AKAP6: variants seen among roughly 807,000 people sequenced by gnomAD.
The protein encoded by AKAP6 is A-kinase anchoring protein 6.
AKAP6 carries 58 observed loss-of-function variants against 188.5 expected under a neutral mutation model. The observed-to-expected ratio is 0.31, with a 90% CI of 0.25 to 0.38. AKAP6 has a LOEUF of 0.38. Among genes scored for constraint, AKAP6 ranks in the 10% least tolerant of loss-of-function variants. The pLI is 1.00. For missense variants in AKAP6, 2,710 were observed against 2,740.0 expected, an observed-to-expected ratio of 0.99 and a Z score of 0.24; for synonymous variants, 989 against 998.6, an observed-to-expected ratio of 0.99 and a Z score of 0.18.
At chr14:32,661,692 G>A (rs936414904) in intron 7 of AKAP6, among the ~76,000 whole-genome samples, 4 of 152,106 alleles carry the variant, frequency 2.6e-5, no homozygotes, top group Admixed American at 1.3e-4. Context: ...CAGGACTACT[G>A]GTTAGAGGCA....
chr14:32,778,982 A>G (rs938090896), intron 12 of AKAP6, among the ~76,000 whole-genome samples: 5 of 152,142 alleles, frequency 3.3e-5, no homozygotes, highest in Admixed American at 6.5e-5. Flanking sequence ...AAGATGGAAG[A>G]CTTAAAACAA....
chr14:32,767,856 C>T (rs1183652240), intron 11 of AKAP6, among the ~76,000 whole-genome samples: 1 of 152,146 alleles, frequency 6.6e-6, no homozygotes, highest in African/African-American at 2.4e-5. Context: ...GGGTCATGGC[C>T]TCACTATTCT....
At chr14:32,581,523 A>G (rs1884965419) in intron 5 of AKAP6, among the ~76,000 whole-genome samples, 1 of 152,032 alleles carries the variant, frequency 6.6e-6, no homozygotes, top group Non-Finnish European at 1.5e-5. Flanking sequence ...CTTGGTGCAG[A>G]GCTGAGTTCA....
intron 4 of AKAP6, among the ~76,000 whole-genome samples, chr14:32,564,066 C>G (rs1884083494): frequency 6.6e-6 from 1 of 152,054 alleles, no homozygotes; most frequent in Admixed American, 6.6e-5. Context: ...TTGCATATAA[C>G]CTACACACCT....
chr14:32,733,607 G>A (rs1216276780), intron 10 of AKAP6: 2 of 152,122 alleles, frequency 1.3e-5, no homozygotes, highest in Non-Finnish European at 2.9e-5. Flanking sequence ...TAATCTAGGA[G>A]ATTAAAAAAC....
intron 7 of AKAP6, among the ~76,000 whole-genome samples, chr14:32,625,124 T>C (rs895114439): frequency 2.8e-4 from 42 of 152,148 alleles, no homozygotes; most frequent in African/African-American, 9.7e-4. Context: ...TCAATTTAAG[T>C]AATGTGTATA....
rs200286596 is a variant in AKAP6 at position 32,691,567 on chromosome 14, G to GT, written c.2880-4414dup. Among the ~76,000 whole-genome samples, 1,082 of 150,712 alleles carry GT rather than the reference G, an allele frequency of 7.2e-3. 6 individuals are homozygous for GT. Among genetic ancestry groups the GT allele is most frequent in the African/African-American group, 0.019 (799 of 41,128 alleles). On this transcript the variant is annotated intron_variant, in intron 8 of 13. Transcript: ENST00000280979. The stretch of plus-strand genomic sequence containing the variant: ...AATAATTTATTTCTGATTTGCCACT[G>GT]TTTTTTTTTGAGACAGAGTCTTGCT...
chr14:32,555,763 T>A (rs994383618), intron 4 of AKAP6, among the ~76,000 whole-genome samples: 1 of 152,194 alleles, frequency 6.6e-6, no homozygotes, highest in African/African-American at 2.4e-5. Flanking sequence ...TTGTAGCATG[T>A]GACAGGATTT....
intron 2 of AKAP6, among the ~76,000 whole-genome samples, chr14:32,457,425 C>T (rs1167163029): frequency 6.6e-6 from 1 of 152,134 alleles, no homozygotes; most frequent in East Asian, 1.9e-4. Flanking sequence ...GAATTAGAAA[C>T]TTGCCTTGGG....
chr14:32,820,418 C>T (rs1439812359), intron 12 of AKAP6, among the ~76,000 whole-genome samples: 1 of 152,034 alleles, frequency 6.6e-6, no homozygotes, highest in Non-Finnish European at 1.5e-5. Context: ...CAAGCTCTAT[C>T]TAAACAGAGG....
intron 12 of AKAP6, among the ~76,000 whole-genome samples, chr14:32,815,247 C>G (rs2140127262): frequency 6.6e-6 from 1 of 152,254 alleles, no homozygotes; most frequent in Admixed American, 6.5e-5. Context: ...AGTTTCTGAT[C>G]AGCTTTGTTA....
intron 8 of AKAP6, among the ~76,000 whole-genome samples, chr14:32,692,021 GT>G (rs2139683557): frequency 6.6e-6 from 1 of 152,328 alleles, no homozygotes; most frequent in African/African-American, 2.4e-5. Flanking sequence ...AGAATTTGTT[GT>G]TTAGCACATT....
At chr14:32,793,438 A>G (rs1594951379) in intron 12 of AKAP6, among the ~76,000 whole-genome samples, 1 of 152,150 alleles carries the variant, frequency 6.6e-6, no homozygotes, top group Non-Finnish European at 1.5e-5. Context: ...AGGGCATTAT[A>G]TAATGGTAAA....
At chr14:32,635,687 T>A (rs1887455022) in intron 7 of AKAP6, among the ~76,000 whole-genome samples, 1 of 152,082 alleles carries the variant, frequency 6.6e-6, no homozygotes, top group African/African-American at 2.4e-5. Flanking sequence ...GAGAAAAGAA[T>A]GTTGAACATT....
At chr14:32,646,183 A>G (rs533881489) in intron 7 of AKAP6, among the ~76,000 whole-genome samples, 23 of 152,204 alleles carry the variant, frequency 1.5e-4, no homozygotes, top group Non-Finnish European at 2.2e-4. Flanking sequence ...TTGGAGCTAT[A>G]AGACATTATA....
intron 7 of AKAP6, among the ~76,000 whole-genome samples, chr14:32,643,693 T>G (rs988449636): frequency 2.0e-5 from 3 of 152,160 alleles, no homozygotes; most frequent in Non-Finnish European, 4.4e-5. Context: ...GTTGTTGTTT[T>G]TAAATATTTG....
At chr14:32,564,035 C>T (rs1387206019) in intron 4 of AKAP6, among the ~76,000 whole-genome samples, 1 of 152,084 alleles carries the variant, frequency 6.6e-6, no homozygotes, top group African/African-American at 2.4e-5. Flanking sequence ...GCTCAAGTCC[C>T]TTATGTAAAT....
intron 2 of AKAP6, chr14:32,442,671 A>G (rs894186852): frequency 5.3e-5 from 8 of 151,954 alleles, no homozygotes; most frequent in African/African-American, 1.9e-4. Context: ...GTTTTCTTAC[A>G]TTAGACAGTT....
At chr14:32,760,646 G>T (rs1282979949) in intron 11 of AKAP6, among the ~76,000 whole-genome samples, 3 of 152,196 alleles carry the variant, frequency 2.0e-5, no homozygotes, top group Non-Finnish European at 4.4e-5. Context: ...AGGCAGGAGA[G>T]AGGTGTGGTG....
Sources: gnomAD v4.1 joint callset for allele counts (sites outside exome capture counted in the v4.1 genomes callset) on GRCh38, gnomAD v4.1.1 for gene constraint, MANE v1.5 for transcripts, NCBI Gene and HGNC (gene_info 2026-07-23, HGNC 2026-07-21) for gene names.